HMCN1: variants seen among roughly 807,000 people sequenced by gnomAD.
HMCN1 encodes hemicentin 1, also known as hemicentin-1.
In HMCN1, 321 loss-of-function variants were observed where a neutral mutation model predicts 625.9. That is an observed-to-expected ratio of 0.51 (90% CI 0.47 to 0.56). HMCN1 has a LOEUF of 0.56. Among genes scored for constraint, HMCN1 ranks in the 20% least tolerant of loss-of-function variants. The pLI is 0.00. For synonymous variants in HMCN1, 2,425 were observed against 2,417.6 expected (o/e 1.00, Z -0.09); for missense variants, 6,588 against 6,887.3 (o/e 0.96, Z 1.54).
At chr1:185,923,334 T>C (rs1180666194) in intron 7 of HMCN1, 56 bp from the exon 8 acceptor site, 1 of 1,296,714 alleles carries the variant, frequency 7.7e-7, no homozygotes, top group Admixed American at 1.7e-5. Flanking sequence ...ACTTATTTGA[T>C]ATATAACTTC....
chr1:186,047,547 A>C (rs997425186), intron 41 of HMCN1, among the ~76,000 whole-genome samples: 7 of 152,120 alleles, frequency 4.6e-5, no homozygotes, highest in African/African-American at 1.4e-4. Context: ...CAAGTAATAG[A>C]ATCTTACCAT....
In HMCN1 at chr1:185,814,305, T is replaced by C. The variant is rs556126899; in HGVS notation, c.269-31721T>C. On this transcript the variant is annotated intron_variant, in intron 1 of 106. Coordinates refer to ENST00000271588, the MANE Select transcript of HMCN1 (RefSeq NM_031935.3). The stretch of plus-strand genomic sequence containing the variant: ...ACCTTTCAAATAGATTACATTTTTT[T>C]CTGGAACATCTGTGTACTATAAAAT... Among the ~76,000 whole-genome samples the C allele has an allele frequency of 2.2e-4, 34 of 152,304 alleles. 1 individual carries two copies. In the East Asian group the frequency reaches 6.2e-3, roughly 28 times the overall value.
At position 186,112,840 on chromosome 1, in the gene HMCN1, G is replaced by A. The variant is rs1378442727; in HGVS notation, c.11018G>A (p.Gly3673Glu). The change falls in exon 72 of 107, where the codon GGA (glycine) becomes GAA (glutamate). Residue 3673 changes from glycine (G) to glutamate (E), a missense_variant. By Grantham distance (98) the Gly-to-Glu change is moderately conservative. This residue lies in a region of HMCN1 where 4,628 missense variants were observed against 4,853.1 expected (regional missense o/e 0.95). Transcript: ENST00000271588. Reference protein sequence around the residue: ...QATPRVRILSGGRYLQINNAD... With the variant: ...QATPRVRILSEGRYLQINNAD... The stretch of plus-strand genomic sequence containing the variant: ...ACACCTCGAGTGCGAATCCTATCTG[G>A]AGGGAGATACTTGCAAATCAACAAT... 1 of 1,614,008 alleles carries A rather than the reference G, an allele frequency of 6.2e-7. No individual in the cohort carries two copies. Among genetic ancestry groups the A allele is most frequent in the Non-Finnish European group, 8.5e-7 (1 of 1,180,008 alleles).
intron 89 of HMCN1, among the ~76,000 whole-genome samples, chr1:186,140,808 T>C (rs1312344470): frequency 6.6e-6 from 1 of 152,194 alleles, no homozygotes; most frequent in Non-Finnish European, 1.5e-5. Context: ...TTTATATCAA[T>C]CAGGACTCAG....
intron 24 of HMCN1, among the ~76,000 whole-genome samples, chr1:185,995,918 AGCGC>A (rs1652754146): frequency 1.3e-5 from 2 of 152,154 alleles, no homozygotes; most frequent in Non-Finnish European, 2.9e-5. Context: ...GATAGTTCTT[AGCGC>A]TGTACTGAGT....
intron 97 of HMCN1, among the ~76,000 whole-genome samples, chr1:186,158,780 G>A (rs901924786): frequency 2.0e-5 from 3 of 152,084 alleles, no homozygotes; most frequent in Non-Finnish European, 2.9e-5. Context: ...GCTCTGTTCT[G>A]TTCCATTGAT....
At chr1:186,051,884 A>G (rs1656975139) in intron 42 of HMCN1, among the ~76,000 whole-genome samples, 1 of 151,972 alleles carries the variant, frequency 6.6e-6, no homozygotes, top group Non-Finnish European at 1.5e-5. Flanking sequence ...AGCAAAAAGA[A>G]CAGAGAAGTT....
At chr1:186,033,630 T>C (rs1011455899) in intron 36 of HMCN1, among the ~76,000 whole-genome samples, 1 of 152,126 alleles carries the variant, frequency 6.6e-6, no homozygotes, top group African/African-American at 2.4e-5. Context: ...CCATCCGTGG[T>C]TGATTGACAC....
chr1:185,941,820 T>G (rs1668094653), intron 11 of HMCN1, among the ~76,000 whole-genome samples: 1 of 152,060 alleles, frequency 6.6e-6, no homozygotes, highest in Non-Finnish European at 1.5e-5. Flanking sequence ...CTCTAAAACT[T>G]AAAGAAAAGA....
chr1:186,123,090 C>A lies in HMCN1; in HGVS notation c.12369C>A (p.Ile4123=). The A allele has an allele frequency of 6.2e-7, 1 of 1,614,152 alleles. No homozygotes were observed. The highest frequency in any genetic ancestry group is 1.1e-5 in the South Asian group (1 of 91,084). ...HKDGRAIVES[I]RQRVLSSGSL... Reference sequence around the variant, plus strand: ...ATGGGCGTGCAATTGTGGAATCTATCCGCCAGCGCGTCCTCAGCTCTGGCT... The same window carrying A: ...ATGGGCGTGCAATTGTGGAATCTATACGCCAGCGCGTCCTCAGCTCTGGCT... Residue 4123 remains isoleucine, a synonymous_variant, in exon 81 of 107, where the codon ATC becomes ATA. Coordinates refer to ENST00000271588, the MANE Select transcript of HMCN1 (RefSeq NM_031935.3).
intron 97 of HMCN1, among the ~76,000 whole-genome samples, chr1:186,162,316 C>T (rs919441617): frequency 2.0e-5 from 3 of 150,968 alleles, no homozygotes; most frequent in Non-Finnish European, 4.4e-5. Flanking sequence ...GTTATACATT[C>T]ATCTACATTT....
chr1:185,800,039 A>G (rs954933372), intron 1 of HMCN1, among the ~76,000 whole-genome samples: 6 of 152,160 alleles, frequency 3.9e-5, no homozygotes, highest in Admixed American at 1.3e-4. Context: ...TACTGGGGCA[A>G]TGTTCTAGTG....
intron 81 of HMCN1, 115 bp from the exon 82 acceptor site, chr1:186,125,489 T>C: frequency 2.6e-6 from 2 of 769,698 alleles, no homozygotes; most frequent in South Asian, 1.5e-5. Flanking sequence ...TTTTCATTTT[T>C]AGTATTTCTA....
At position 185,938,301 on chromosome 1, in the gene HMCN1, G is replaced by T. The variant is rs902431319; in HGVS notation, c.1828+4477G>T. ...GAGAACTTCATCTAGACACATCCTGGCTGAATTTGATATTACTAGTAGGAA... is the reference window on the plus strand; with the variant it reads ...GAGAACTTCATCTAGACACATCCTGTCTGAATTTGATATTACTAGTAGGAA... On this transcript the variant is annotated intron_variant, in intron 11 of 106. Coordinates refer to ENST00000271588, the MANE Select transcript of HMCN1 (RefSeq NM_031935.3). Among the ~76,000 whole-genome samples the T allele has an allele frequency of 6.6e-5, 10 of 152,102 alleles. 1 individual carries two copies. Among genetic ancestry groups the T allele is most frequent in the Non-Finnish European group, 1.5e-4 (10 of 68,006 alleles).
chr1:185,942,165 T>C (rs1313938103), intron 11 of HMCN1, among the ~76,000 whole-genome samples: 1 of 135,668 alleles, frequency 7.4e-6, no homozygotes, highest in East Asian at 2.1e-4. Context: ...CACTCCAGCC[T>C]GGGCCACAGA....
intron 51 of HMCN1, 62 bp downstream of exon 51, chr1:186,069,838 T>C (rs537103559): frequency 4.9e-6 from 5 of 1,020,654 alleles, no homozygotes; most frequent in African/African-American, 1.6e-5. Flanking sequence ...TTTTCAATCC[T>C]GTTTTTCATT....
At chr1:186,010,924 T>C (rs1653959774) in intron 30 of HMCN1, among the ~76,000 whole-genome samples, 1 of 152,202 alleles carries the variant, frequency 6.6e-6, no homozygotes. Context: ...ATTATAAACT[T>C]TTTGTAATAC....
At chr1:186,042,180 G>A (rs1401585626) in intron 40 of HMCN1, among the ~76,000 whole-genome samples, 1 of 152,072 alleles carries the variant, frequency 6.6e-6, no homozygotes, top group Non-Finnish European at 1.5e-5. Context: ...CAATTGACAC[G>A]AGTTCACATT....
chr1:185,989,521 T>G lies in HMCN1; in HGVS notation c.3082T>G (p.Phe1028Val). 1.2e-6 allele frequency: 2 copies of G among 1,614,046 alleles called. No individual in the cohort carries two copies. Among genetic ancestry groups the G allele is most frequent in the Non-Finnish European group, 1.7e-6 (2 of 1,179,974 alleles). ...GCTGATTTCAACCAGCAGTGCTAAG[T>G]TTTCAGCAGGAGCTGATGGTAGTCT... The part of the protein sequence containing the change: ...GELISTSSAK[F>V]SAGADGSLYV... Residue 1028 changes from phenylalanine to valine, a missense_variant, in exon 21 of 107, where the codon TTT becomes GTT. Around this residue, in one of 3 missense-constraint regions of HMCN1, gnomAD observed 4,628 missense variants for 4,853.1 expected, o/e 0.95. Coordinates refer to ENST00000271588, the MANE Select transcript of HMCN1 (RefSeq NM_031935.3).
Sources: allele counts gnomAD v4.1 joint callset (sites outside exome capture counted in the v4.1 genomes callset), GRCh38; gene constraint gnomAD v4.1.1; regional missense constraint gnomAD v4.1.1; transcripts MANE v1.5; gene names NCBI Gene and HGNC (gene_info 2026-07-23, HGNC 2026-07-21).